MAP3K20: variants seen among roughly 807,000 people sequenced by gnomAD.
MAP3K20 encodes the protein mitogen-activated protein kinase kinase kinase 20, also known as HCCS-4.
A neutral mutation model predicts 85.7 loss-of-function variants in MAP3K20; 40 were observed. The ratio of observed to expected loss-of-function variants is 0.47; its 90% confidence interval spans 0.36 to 0.61. MAP3K20 has a LOEUF of 0.61. MAP3K20 is among the 20% of genes least tolerant of loss of function. The pLI is 0.00. For missense variants in MAP3K20, 817 were observed against 961.7 expected, an observed-to-expected ratio of 0.85 and a Z score of 1.99; for synonymous variants, 325 against 327.7, an observed-to-expected ratio of 0.99 and a Z score of 0.09.
intron 9 of MAP3K20, among the ~76,000 whole-genome samples, chr2:173,206,085 AAATAG>A (rs1683676863): frequency 6.6e-6 from 1 of 152,232 alleles, no homozygotes; most frequent in South Asian, 2.1e-4. Flanking sequence ...TCTGATACAT[AAATAG>A]AAATTTTGCC....
At position 173,254,297 on chromosome 2, in the gene MAP3K20, G is replaced by A. The variant is rs1326753089; in HGVS notation, c.1360-4402G>A. Among the ~76,000 whole-genome samples, 6 of 151,318 alleles carry A rather than the reference G, an allele frequency of 4.0e-5. No homozygotes were observed. In the East Asian group the frequency reaches 7.8e-4, roughly 20 times the overall value. ...CAAAAAATTAGCTGGGCGTGGTGGC[G>A]GGCGCCTGTAGTCCCAGCTACTCTG... is the stretch of plus-strand genomic sequence containing the variant. On this transcript the variant is annotated intron_variant, in intron 16 of 19. Transcript: ENST00000375213.
intron 2 of MAP3K20, among the ~76,000 whole-genome samples, chr2:173,155,910 G>C (rs1203755271): frequency 6.6e-6 from 1 of 152,148 alleles, no homozygotes; most frequent in Non-Finnish European, 1.5e-5. Flanking sequence ...ATTGTTAGAT[G>C]TGCCACTATA....
intron 3 of MAP3K20, among the ~76,000 whole-genome samples, chr2:173,173,188 G>C (rs1201401119): frequency 2.9e-5 from 4 of 136,292 alleles, no homozygotes; most frequent in East Asian, 5.5e-4. Context: ...GTGTGTGTGT[G>C]TGTGTGTGTC....
At chr2:173,182,019 A>G (rs1429644573) in intron 3 of MAP3K20, among the ~76,000 whole-genome samples, 1 of 152,148 alleles carries the variant, frequency 6.6e-6, no homozygotes, top group Non-Finnish European at 1.5e-5. Flanking sequence ...TCAAGGCTGC[A>G]GTAAGCTGTG....
intron 1 of MAP3K20, among the ~76,000 whole-genome samples, chr2:173,079,430 AC>A (rs1401618758): frequency 1.3e-4 from 20 of 152,280 alleles, no homozygotes; most frequent in Admixed American, 1.2e-3. Flanking sequence ...GACTTTATAA[AC>A]ACTGTACACT....
chr2:173,219,879 C>G (rs1684185805), intron 11 of MAP3K20, among the ~76,000 whole-genome samples: 1 of 151,978 alleles, frequency 6.6e-6, no homozygotes, highest in South Asian at 2.1e-4. Flanking sequence ...CCAGCCTGGA[C>G]AGCATAGTGA....
chr2:173,188,422 C>T (rs755221898), intron 5 of MAP3K20, among the ~76,000 whole-genome samples: 4 of 152,184 alleles, frequency 2.6e-5, no homozygotes, highest in Non-Finnish European at 4.4e-5. Context: ...TTTCTAAATG[C>T]TCCTTCTCAG....
Position 173,135,660 on chromosome 2 carries a change from C to G in MAP3K20, c.160-34145C>G, listed in dbSNP as rs1688779274. ...TTTCCTCCTTTGCTGTTTGGGAAAT[C>G]AGCCAGCCTCTCTGGGACTAGGTTT... On this transcript the variant is annotated intron_variant, in intron 2 of 19. Transcript: ENST00000375213. Among the ~76,000 whole-genome samples the G allele has an allele frequency of 5.9e-5, 9 of 152,312 alleles. No individual in the cohort carries two copies. In the South Asian group the frequency reaches 1.9e-3, roughly 32 times the overall value.
At chr2:173,110,791 T>C (rs896242268) in intron 2 of MAP3K20, among the ~76,000 whole-genome samples, 1 of 152,222 alleles carries the variant, frequency 6.6e-6, no homozygotes, top group Non-Finnish European at 1.5e-5. Flanking sequence ...TTCCATCATA[T>C]ATATAGACCA....
At chr2:173,100,435 T>C (rs2106159681) in intron 2 of MAP3K20, among the ~76,000 whole-genome samples, 1 of 152,358 alleles carries the variant, frequency 6.6e-6, no homozygotes. Flanking sequence ...TGTGCTTTGC[T>C]CCCAGTGAAC....
chr2:173,210,354 C>CA (rs1259012395), intron 10 of MAP3K20: 3,622 of 139,958 alleles, frequency 0.026, 128 homozygotes, highest in African/African-American at 0.083. Context: ...AACTCCATCT[C>CA]AAAAAAAAAA....
rs371582749 is a variant in MAP3K20, at chr2:173,135,208, G to A, written c.160-34597G>A. On this transcript the variant is annotated intron_variant, in intron 2 of 19. Transcript: ENST00000375213. ...AGGCGATTTGTAAACACTTTTACAA[G>A]TACATAAAGAGCATTTAATTCTTGT... 5.4e-4 allele frequency among the ~76,000 whole-genome samples: 82 copies of A among 152,282 alleles called. 1 individual carries two copies. In the South Asian group the frequency reaches 9.5e-3, roughly 18 times the overall value.
At chr2:173,186,923 T>G (rs1295766800) in intron 4 of MAP3K20, among the ~76,000 whole-genome samples, 1 of 152,234 alleles carries the variant, frequency 6.6e-6, no homozygotes, top group Non-Finnish European at 1.5e-5. Flanking sequence ...CTCAAAGATT[T>G]ATCCTTGTAA....
chr2:173,157,487 G>A (rs980181683), intron 2 of MAP3K20, among the ~76,000 whole-genome samples: 1 of 152,188 alleles, frequency 6.6e-6, no homozygotes, highest in Non-Finnish European at 1.5e-5. Flanking sequence ...TCTAAAAGAT[G>A]TTAAAGGACT....
At chr2:173,151,807 TG>T (rs1397944524) in intron 2 of MAP3K20, among the ~76,000 whole-genome samples, 2 of 152,292 alleles carry the variant, frequency 1.3e-5, no homozygotes, top group East Asian at 3.9e-4. Context: ...ACAGTATTTC[TG>T]CTATGGACTA....
intron 2 of MAP3K20, among the ~76,000 whole-genome samples, chr2:173,098,518 T>C (rs1687530881): frequency 6.6e-6 from 1 of 152,246 alleles, no homozygotes; most frequent in South Asian, 2.1e-4. Flanking sequence ...TAAATTGATT[T>C]CATGTTTAGC....
intron 2 of MAP3K20, among the ~76,000 whole-genome samples, chr2:173,157,903 C>T (rs117836116): frequency 0.023 from 3,565 of 152,276 alleles, 119 homozygotes; most frequent in Admixed American, 0.09. Context: ...GTTTCTCACG[C>T]TTCTGTGACT....
chr2:173,099,272 TCTTCCTTC>T (rs148494279), intron 2 of MAP3K20, among the ~76,000 whole-genome samples: 1 of 147,080 alleles, frequency 6.8e-6, no homozygotes, highest in African/African-American at 2.5e-5. Flanking sequence ...CTTTTTTTTT[TCTTCCTTC>T]CTTCCTTCCT....
chr2:173,263,192 T>G (rs1685334997), intron 18 of MAP3K20, among the ~76,000 whole-genome samples: 1 of 152,194 alleles, frequency 6.6e-6, no homozygotes, highest in African/African-American at 2.4e-5. Context: ...TCCCCATTTC[T>G]TACTTCTTGA....
Sources: gnomAD v4.1 joint callset for allele counts (sites outside exome capture counted in the v4.1 genomes callset) on GRCh38, gnomAD v4.1.1 for gene constraint, MANE v1.5 for transcripts, NCBI Gene and HGNC (gene_info 2026-07-23, HGNC 2026-07-21) for gene names.